Variants in SLC25A29 observed in about 807,000 individuals in gnomAD.
The protein encoded by SLC25A29 is solute carrier family 25 member 29.
SLC25A29 carries 13 observed loss-of-function variants against 10.0 expected under a neutral mutation model. The observed-to-expected ratio is 1.30, with a 90% CI of 0.85 to 2.07. The LOEUF is 2.07. Among genes scored for constraint, SLC25A29 ranks in the 30% most tolerant of loss-of-function variants. The pLI is 0.00. For missense variants in SLC25A29, 475 were observed against 447.6 expected (o/e 1.06, Z -0.55); for synonymous variants, 244 against 221.1 (o/e 1.10, Z -0.92).
Position 100,292,736 on chromosome 14 carries a change from G to A in SLC25A29, c.459C>T (p.Gly153=). 1 of 1,602,844 alleles carries A rather than the reference G, an allele frequency of 6.2e-7. No homozygotes were observed. The highest frequency in any genetic ancestry group is 1.1e-5 in the South Asian group (1 of 89,654). ...TCTCACGCAGCAACGTGGACACCAT[G>A]CCCCGGTTGACGCCACGCAGACCCT... ...GHEGLRGVNR[G]MVSTLLRETP... Residue 153 remains glycine (G), a synonymous_variant, in exon 4 of 4, where the codon GGC becomes GGT. Transcript: ENST00000359232.
At chr14:100,303,827 G>A (rs74085033) in intron 1 of SLC25A29, among the ~76,000 whole-genome samples, 4,681 of 152,226 alleles carry the variant, frequency 0.031, 236 homozygotes, top group African/African-American at 0.11. Context: ...GGGATGGCTG[G>A]TAGCAGAGGT....
At chr14:100,288,382 C>CAA (rs541814439), downstream of SLC25A29, among the ~76,000 whole-genome samples, 39,367 of 63,834 alleles carry the variant, frequency 0.62, 13,659 homozygotes, top group Non-Finnish European at 0.68. Context: ...AACTCTATCT[C>CAA]AAAAAAAAAA....
downstream of SLC25A29, among the ~76,000 whole-genome samples, chr14:100,287,632 C>G (rs995924503): frequency 7.0e-5 from 7 of 99,412 alleles, no homozygotes; most frequent in Non-Finnish European, 1.3e-4. Flanking sequence ...AGCACCACCC[C>G]CCCCCTCCGA....
chr14:100,280,735 T>G, the SLC25A29 span: 1 of 152,312 alleles, frequency 6.6e-6, no homozygotes, highest in Admixed American at 6.5e-5. Context: ...AGTTCATGTC[T>G]TCACAAGTAG....
chr14:100,295,519 C>T, intron 2 of SLC25A29: 1 of 1,204,712 alleles, frequency 8.3e-7, no homozygotes, highest in African/African-American at 1.6e-5. Context: ...CCAAGCTTGC[C>T]TCACACCCTC....
rs1249133527 is a variant in SLC25A29, at chr14:100,292,503, A to G, written c.692T>C (p.Ile231Thr). The G allele has an allele frequency of 1.3e-6, 2 of 1,588,502 alleles. No homozygotes were observed. The highest frequency in any genetic ancestry group is 3.5e-5 in the Admixed American group (2 of 56,344). Residue 231 changes from isoleucine to threonine, a missense_variant, in exon 4 of 4, where the codon ATC becomes ACC. Coordinates refer to ENST00000359232, the MANE Select transcript of SLC25A29 (RefSeq NM_001039355.3). ...GLRGAPRYRG[I>T]LDCVHQSYRA... ...GTAGCTCTGGTGCACGCAGTCCAGG[A>G]TGCCGCGGTAGCGCGGGGCGCCCCG...
chr14:100,295,354 G>A lies in SLC25A29; in HGVS notation c.79-1977C>T, dbSNP rs914647755. 3.8e-5 allele frequency: 12 copies of A among 319,958 alleles called. 1 individual carries two copies. The highest frequency in any genetic ancestry group is 1.1e-3 in the Middle Eastern group (1 of 884). 19.8% of individuals were successfully genotyped at this position (319,958 alleles called of 1,614,324 possible). ...CTCTCCTTTGAGGATTGATGGGAAC[G>A]GACCCACCCCTGGGAAACTAGTCAT... On this transcript the variant is annotated intron_variant, in intron 2 of 3. Coordinates refer to ENST00000359232, the MANE Select transcript of SLC25A29 (RefSeq NM_001039355.3).
At chr14:100,288,674 G>A (rs555038114), downstream of SLC25A29, among the ~76,000 whole-genome samples, 22 of 143,832 alleles carry the variant, frequency 1.5e-4, no homozygotes, top group South Asian at 1.6e-3. Flanking sequence ...GGCCCCGTCC[G>A]CTGCTGCTCT....
At chr14:100,305,592 C>A (rs1377104350) in intron 1 of SLC25A29, 1 of 152,256 alleles carries the variant, frequency 6.6e-6, no homozygotes, top group Non-Finnish European at 1.5e-5. Context: ...GACCGCGCCT[C>A]GGAGAAGGTG....
chr14:100,286,094 C>T, the SLC25A29 span, among the ~76,000 whole-genome samples: 2 of 152,146 alleles, frequency 1.3e-5, no homozygotes, highest in African/African-American at 4.8e-5. Flanking sequence ...CCCTCTGCCC[C>T]CAAGCGTGTT....
downstream of SLC25A29, among the ~76,000 whole-genome samples, chr14:100,286,986 C>T (rs558487990): frequency 1.3e-5 from 2 of 152,368 alleles, no homozygotes; most frequent in East Asian, 1.9e-4. Context: ...GTGCCAGCAC[C>T]GACCTTGTAT....
At chr14:100,299,662 ACCATCTCTGAG>A (rs748124620) in intron 1 of SLC25A29, 62 of 881,394 alleles carry the variant, frequency 7.0e-5, no homozygotes, top group Non-Finnish European at 8.2e-5. Flanking sequence ...GCAGGTGGTA[ACCATCTCTGAG>A]TCTTGCCACC....
chr14:100,281,988 T>C, the SLC25A29 span: 1 of 152,346 alleles, frequency 6.6e-6, no homozygotes, highest in African/African-American at 2.4e-5. Flanking sequence ...ATGGGCAGCA[T>C]GTACTTGACA....
chr14:100,292,224 G>T lies in SLC25A29; in HGVS notation c.*59C>A. The stretch of plus-strand genomic sequence containing the variant: ...AGGAAGCAGGGCAATCGACTCAGGG[G>T]CCAATTTATGTCCCAGGTTTCTGAG... On this transcript the variant is annotated 3_prime_UTR_variant, in exon 4 of 4. Transcript: ENST00000359232. 6.6e-7 allele frequency: 1 copy of T among 1,522,492 alleles called. No individual in the cohort carries two copies. The highest frequency in any genetic ancestry group is 8.8e-7 in the Non-Finnish European group (1 of 1,136,072). The allele number at this position is 1,522,492 out of a possible 1,614,324, so 94.3% of individuals were successfully genotyped here. A position where few individuals can be genotyped will look rare whatever the true frequency, so the allele number is the denominator to read the frequency against.
At chr14:100,280,864 GT>G in the SLC25A29 span, 1 of 151,910 alleles carries the variant, frequency 6.6e-6, no homozygotes, top group African/African-American at 2.4e-5. Context: ...GTGGAGACGT[GT>G]CCCAGACTGG....
intron 2 of SLC25A29, chr14:100,293,764 G>C (rs1430336713): frequency 1.6e-5 from 3 of 189,992 alleles, no homozygotes; most frequent in Non-Finnish European, 3.3e-5. Flanking sequence ...TCCCAGACTA[G>C]GCTGAAGGGC....
Position 100,306,283 on chromosome 14 carries a change from C to T in SLC25A29, c.-51G>A. 1 of 1,367,306 alleles carries T rather than the reference C, an allele frequency of 7.3e-7. No homozygotes were observed. Among genetic ancestry groups the T allele is most frequent in the Non-Finnish European group, 9.4e-7 (1 of 1,063,274 alleles). 84.7% of individuals were successfully genotyped at this position (1,367,306 alleles called of 1,614,324 possible). On this transcript the variant is annotated 5_prime_UTR_variant, in exon 1 of 4. Transcript: ENST00000359232. ...TTCCTCCTCGTCCTCCCCCTGAGGC[C>T]CCTCGCCGGGCTGGGCGCCGTCGGG... is the stretch of plus-strand genomic sequence containing the variant.
chr14:100,282,320 A>T, the SLC25A29 span: 1 of 150,924 alleles, frequency 6.6e-6, no homozygotes, highest in Admixed American at 6.6e-5. Flanking sequence ...CAGCACTGGG[A>T]TGTGTTGAGG....
At chr14:100,284,848 T>C in the SLC25A29 span, among the ~76,000 whole-genome samples, 2 of 152,148 alleles carry the variant, frequency 1.3e-5, no homozygotes, top group African/African-American at 4.8e-5. Context: ...GAGACGAGCC[T>C]GACCAAAATG....
Sources: allele counts gnomAD v4.1 joint callset (sites outside exome capture counted in the v4.1 genomes callset), GRCh38; gene constraint gnomAD v4.1.1; transcripts MANE v1.5; gene names NCBI Gene and HGNC (gene_info 2026-07-23, HGNC 2026-07-21).